Variants in CMPK1 observed in about 807,000 individuals in gnomAD.
The protein encoded by CMPK1 is UMP-CMP kinase.
In CMPK1, 10 loss-of-function variants were observed where a neutral mutation model predicts 25.7. The ratio of observed to expected loss-of-function variants is 0.39; its 90% CI spans 0.24 to 0.66. The LOEUF (loss-of-function observed/expected upper bound fraction) is 0.66. Among genes scored for constraint, CMPK1 ranks in the 30% least tolerant of loss-of-function variants. CMPK1 has a pLI of 0.48. For synonymous variants in CMPK1, 106 were observed against 101.5 expected (o/e 1.04, Z -0.27); for missense variants, 199 against 280.5 (o/e 0.71, Z 2.08).
At chr1:47,340,254 AT>A (rs1013646101) in intron 1 of CMPK1, among the ~76,000 whole-genome samples, 2 of 148,822 alleles carry the variant, frequency 1.3e-5, no homozygotes, top group Non-Finnish European at 3.0e-5. Flanking sequence ...TGCCCAGCTA[AT>A]TTTTTTTATT....
intron 1 of CMPK1, among the ~76,000 whole-genome samples, chr1:47,346,238 C>T (rs1485215463): frequency 2.0e-5 from 3 of 151,852 alleles, no homozygotes; most frequent in East Asian, 3.9e-4. Context: ...TTAGTAGAGA[C>T]GGGGTTTTAC....
chr1:47,359,882 G>C lies in CMPK1; in HGVS notation c.172-8587G>C, dbSNP rs72480616. 5.2e-3 allele frequency among the ~76,000 whole-genome samples: 795 copies of C among 152,292 alleles called. 2 individuals are homozygous for C. The highest frequency in any genetic ancestry group is 0.03 in the East Asian group (158 of 5,192). Reference sequence around the variant, plus strand: ...ATCTGAGTGATTTGATGTATACAAAGATCCATGTTACCTTTGCTGTGTGCC... The same window carrying C: ...ATCTGAGTGATTTGATGTATACAAACATCCATGTTACCTTTGCTGTGTGCC... On this transcript the variant is annotated intron_variant, in intron 1 of 5. Coordinates refer to ENST00000371873, the MANE Select transcript of CMPK1 (RefSeq NM_016308.3).
intron 2 of CMPK1, among the ~76,000 whole-genome samples, chr1:47,371,061 AG>A: frequency 6.6e-6 from 1 of 152,346 alleles, no homozygotes; most frequent in African/African-American, 2.4e-5. Flanking sequence ...AATCATTAAC[AG>A]GTATTTTCAC....
intron 1 of CMPK1, chr1:47,358,359 C>A: frequency 2.7e-6 from 3 of 1,129,080 alleles, no homozygotes; most frequent in Non-Finnish European, 3.5e-6. Context: ...GCAACCCTCT[C>A]GTCTTGACCT....
intron 1 of CMPK1, among the ~76,000 whole-genome samples, chr1:47,346,554 A>G (rs911370161): frequency 9.4e-5 from 14 of 149,540 alleles, no homozygotes; most frequent in Middle Eastern, 3.5e-3. Flanking sequence ...CCCAGGCTTG[A>G]GTGCAATGGT....
chr1:47,336,051 G>A (rs999668172), intron 1 of CMPK1, among the ~76,000 whole-genome samples: 4 of 152,090 alleles, frequency 2.6e-5, no homozygotes, highest in African/African-American at 4.8e-5. Context: ...ATGAGCCACC[G>A]TGCCTGGCCT....
At chr1:47,344,840 C>T (rs932140201) in intron 1 of CMPK1, among the ~76,000 whole-genome samples, 1 of 151,828 alleles carries the variant, frequency 6.6e-6, no homozygotes, top group African/African-American at 2.4e-5. Flanking sequence ...TTAGTTTTGC[C>T]TCCCTAACTA....
At position 47,365,043 on chromosome 1, in the gene CMPK1, G is replaced by T. The variant is rs370834242; in HGVS notation, c.172-3426G>T. On this transcript the variant is annotated intron_variant, in intron 1 of 5. Transcript: ENST00000371873. ...CCCAAAGTGCTAGAATTACAGGTGTGAGCCACTGTACCTGGCCGTACCCAA... is the reference window on the plus strand; with the variant it reads ...CCCAAAGTGCTAGAATTACAGGTGTTAGCCACTGTACCTGGCCGTACCCAA... 3.4e-4 allele frequency among the ~76,000 whole-genome samples: 52 copies of T among 152,270 alleles called. No individual in the cohort carries two copies. The South Asian group carries it at 0.011, about 31-fold the overall frequency.
chr1:47,350,813 A>G (rs1646517682), intron 1 of CMPK1, among the ~76,000 whole-genome samples: 1 of 151,800 alleles, frequency 6.6e-6, no homozygotes, highest in African/African-American at 2.4e-5. Flanking sequence ...AGGCTGAGGC[A>G]GGAGAATTGC....
At chr1:47,337,741 T>C (rs1646409829) in intron 1 of CMPK1, among the ~76,000 whole-genome samples, 1 of 151,782 alleles carries the variant, frequency 6.6e-6, no homozygotes, top group Non-Finnish European at 1.5e-5. Flanking sequence ...GCCTCCCGAG[T>C]AGCTTGGACT....
chr1:47,374,229 G>A (rs898676195), intron 3 of CMPK1, among the ~76,000 whole-genome samples: 1 of 152,122 alleles, frequency 6.6e-6, no homozygotes, highest in Non-Finnish European at 1.5e-5. Flanking sequence ...GTTAATTTTT[G>A]TATTTTTAGT....
intron 2 of CMPK1, among the ~76,000 whole-genome samples, chr1:47,369,864 A>ATT (rs34739143): frequency 7.9e-6 from 1 of 126,530 alleles, no homozygotes; most frequent in South Asian, 2.5e-4. Flanking sequence ...CCGGCCCCCA[A>ATT]TTTTTTTTTT....
intron 1 of CMPK1, among the ~76,000 whole-genome samples, chr1:47,338,449 A>T (rs78284022): frequency 0.046 from 6,929 of 151,620 alleles, 511 homozygotes; most frequent in African/African-American, 0.16. Flanking sequence ...TTTGGGATTG[A>T]TTTTGCACAT....
rs1646711539 is a variant in CMPK1, at chr1:47,376,837, A to G, written c.*92A>G. 2 of 695,552 alleles carry G rather than the reference A, an allele frequency of 2.9e-6. No homozygotes were observed. Among genetic ancestry groups the G allele is most frequent in the Admixed American group, 2.6e-5 (1 of 38,620 alleles). 43.1% of individuals were successfully genotyped at this position (695,552 alleles called of 1,614,324 possible). A position where few individuals can be genotyped will look rare whatever the true frequency, so the allele number is the denominator to read the frequency against. On this transcript the variant is annotated 3_prime_UTR_variant, in exon 6 of 6. Coordinates refer to ENST00000371873, the MANE Select transcript of CMPK1 (RefSeq NM_016308.3). Reference sequence around the variant, plus strand: ...CTTTTTAAGGCAATTCTAATCTTTCATAACTACATCTCAATTAGTGGCTGG... The same window carrying G: ...CTTTTTAAGGCAATTCTAATCTTTCGTAACTACATCTCAATTAGTGGCTGG...
At position 47,375,291 on chromosome 1, in the gene CMPK1, GAAGT is replaced by G; in HGVS notation, c.645+3_645+6del. On this transcript the variant is annotated splice_donor_variant and coding_sequence_variant, in exon 5 of 6. Transcript: ENST00000371873. LOFTEE classifies it high-confidence loss of function. ...AATAGATGCTTCTAAATCTGTTGAT[GAAGT>G]AAGTGTTCCTAGCCTGTCTTTAAAA... 6.4e-7 allele frequency: 1 copy of G among 1,566,574 alleles called. No individual in the cohort carries two copies. The highest frequency in any genetic ancestry group is 8.7e-7 in the Non-Finnish European group (1 of 1,150,482).
intron 1 of CMPK1, among the ~76,000 whole-genome samples, chr1:47,366,468 A>G (rs1390818806): frequency 2.1e-5 from 3 of 145,242 alleles, no homozygotes; most frequent in African/African-American, 7.6e-5. Flanking sequence ...CTAAAATACC[A>G]TAATAACTTA....
At chr1:47,375,059 C>T (rs1379315930) in intron 4 of CMPK1, 74 bp downstream of exon 4, 3 of 1,353,056 alleles carry the variant, frequency 2.2e-6, no homozygotes, top group East Asian at 2.3e-5. Flanking sequence ...AAAAGAGTCA[C>T]ATTTAAACAT....
intron 2 of CMPK1, among the ~76,000 whole-genome samples, chr1:47,369,863 A>AT (rs1646664890): frequency 9.2e-6 from 1 of 108,400 alleles, no homozygotes; most frequent in African/African-American, 3.5e-5. Flanking sequence ...CCCGGCCCCC[A>AT]ATTTTTTTTT....
chr1:47,370,964 A>AAATT (rs1462709677), intron 2 of CMPK1, among the ~76,000 whole-genome samples: 1 of 147,548 alleles, frequency 6.8e-6, no homozygotes, highest in African/African-American at 2.7e-5. Flanking sequence ...CTCAAAAAAT[A>AAATT]AATAAATAAA....
Sources: allele counts gnomAD v4.1 joint callset (sites outside exome capture counted in the v4.1 genomes callset), GRCh38; gene constraint gnomAD v4.1.1; transcripts MANE v1.5; gene names NCBI Gene and HGNC (gene_info 2026-07-23, HGNC 2026-07-21).